LMBR1: variants seen among roughly 807,000 people sequenced by gnomAD.
LMBR1 encodes the protein limb region 1 protein homolog.
In LMBR1, 52 loss-of-function variants were observed where a neutral mutation model predicts 73.9. The ratio of observed to expected loss-of-function variants is 0.70; its 90% CI spans 0.56 to 0.89. LMBR1 has a LOEUF of 0.89. LMBR1 is among the 40% of genes least tolerant of loss of function. The probability of loss-of-function intolerance (pLI) is 0.00; values close to 1 mark genes in which losing one functional copy is unlikely to be tolerated. For synonymous variants in LMBR1, 215 were observed against 209.4 expected, an observed-to-expected ratio of 1.03 and a Z score of -0.23; for missense variants, 539 against 579.8, an observed-to-expected ratio of 0.93 and a Z score of 0.72.
intron 4 of LMBR1, among the ~76,000 whole-genome samples, chr7:156,815,945 A>G (rs941492845): frequency 1.3e-5 from 2 of 151,658 alleles, no homozygotes; most frequent in African/African-American, 4.8e-5. Context: ...AGCATAAAAG[A>G]AGGCTCTTTC....
intron 1 of LMBR1, among the ~76,000 whole-genome samples, chr7:156,862,826 C>G (rs1440067725): frequency 6.6e-6 from 1 of 152,200 alleles, no homozygotes; most frequent in African/African-American, 2.4e-5. Context: ...AGCCTTCAAG[C>G]TGATACATCA....
rs1805246616 is a variant in LMBR1, at chr7:156,682,592, C to T, written c.*1486G>A. Reference sequence around the variant, plus strand: ...CTGCATTTTAGAAAGATGTGAAGCTCGGAAGGAAATGCAGACGTATAAATA... The same window carrying T: ...CTGCATTTTAGAAAGATGTGAAGCTTGGAAGGAAATGCAGACGTATAAATA... On this transcript the variant is annotated 3_prime_UTR_variant, in exon 17 of 17. Transcript: ENST00000353442. 6.6e-6 allele frequency: 1 copy of T among 152,014 alleles called. No homozygotes were observed. Among genetic ancestry groups the T allele is most frequent in the Non-Finnish European group, 1.5e-5 (1 of 68,010 alleles). The allele number at this position is 152,014 out of a possible 1,614,324, so 9.4% of individuals were successfully genotyped here.
At chr7:156,726,505 G>GA (rs1441363514) in intron 12 of LMBR1, among the ~76,000 whole-genome samples, 2 of 151,056 alleles carry the variant, frequency 1.3e-5, no homozygotes, top group East Asian at 1.9e-4. Flanking sequence ...AATTAGATCT[G>GA]AAAAAATCAT....
At chr7:156,671,488 A>G (rs527359738) in intron 4 of LMBR1, among the ~76,000 whole-genome samples, 1 of 152,378 alleles carries the variant, frequency 6.6e-6, no homozygotes, top group East Asian at 1.9e-4. Context: ...ACGGCAGCAC[A>G]TATTTTCTTT....
chr7:156,804,199 T>C (rs568337447), intron 4 of LMBR1, among the ~76,000 whole-genome samples: 1 of 152,130 alleles, frequency 6.6e-6, no homozygotes, highest in Non-Finnish European at 1.5e-5. Flanking sequence ...TACAAATGGA[T>C]TGTGTGATAT....
chr7:156,853,815 C>T (rs189008384), intron 1 of LMBR1, among the ~76,000 whole-genome samples: 401 of 152,094 alleles, frequency 2.6e-3, no homozygotes, highest in African/African-American at 9.1e-3. Context: ...GCCACCACAC[C>T]CGGCTAATTT....
intron 1 of LMBR1, among the ~76,000 whole-genome samples, chr7:156,887,467 A>G (rs1802115634): frequency 6.6e-6 from 1 of 150,820 alleles, no homozygotes; most frequent in South Asian, 2.1e-4. Context: ...CCATCTCAAA[A>G]AAAAAAAAAA....
intron 15 of LMBR1, among the ~76,000 whole-genome samples, chr7:156,723,593 A>G (rs1454908156): frequency 1.3e-5 from 2 of 152,152 alleles, no homozygotes; most frequent in African/African-American, 4.8e-5. Context: ...AACTGAAACA[A>G]TAAGAAAATG....
chr7:156,814,932 A>AGATTACCT (rs201262103), intron 4 of LMBR1, among the ~76,000 whole-genome samples: 4,834 of 152,222 alleles, frequency 0.032, 123 homozygotes, highest in South Asian at 0.085. Flanking sequence ...CAAGGCAGGC[A>AGATTACCT]GATTACCTGA....
chr7:156,828,523 A>C (rs1836092025), intron 3 of LMBR1, among the ~76,000 whole-genome samples: 1 of 152,224 alleles, frequency 6.6e-6, no homozygotes, highest in Non-Finnish European at 1.5e-5. Flanking sequence ...AGGAAGACAG[A>C]ACCTTTGTCT....
At chr7:156,714,029 T>C (rs936379649) in intron 15 of LMBR1, among the ~76,000 whole-genome samples, 1 of 152,176 alleles carries the variant, frequency 6.6e-6, no homozygotes, top group Non-Finnish European at 1.5e-5. Flanking sequence ...ACGGTATTGA[T>C]AGCCTTCCTA....
chr7:156,742,984 A>C (rs146150999), intron 9 of LMBR1, among the ~76,000 whole-genome samples: 97 of 152,334 alleles, frequency 6.4e-4, no homozygotes, highest in African/African-American at 2.2e-3. Flanking sequence ...CAATGGAATG[A>C]AGGACAAAAA....
intron 10 of LMBR1, among the ~76,000 whole-genome samples, chr7:156,730,461 G>A (rs1585421324): frequency 1.3e-5 from 2 of 152,200 alleles, no homozygotes; most frequent in Admixed American, 6.5e-5. Context: ...AAATGGACCG[G>A]TCGTCATAAA....
At chr7:156,848,741 G>A (rs1434854302) in intron 1 of LMBR1, among the ~76,000 whole-genome samples, 1 of 152,018 alleles carries the variant, frequency 6.6e-6, no homozygotes, top group African/African-American at 2.4e-5. Context: ...AGAACAACCT[G>A]GGATCATGGT....
chr7:156,813,702 G>C (rs988101385), intron 4 of LMBR1, among the ~76,000 whole-genome samples: 2 of 151,850 alleles, frequency 1.3e-5, no homozygotes, highest in Admixed American at 6.6e-5. Flanking sequence ...TATGTTCTTT[G>C]ATACACTCAG....
At chr7:156,709,394 A>C (rs1014397115) in intron 15 of LMBR1, among the ~76,000 whole-genome samples, 1 of 152,222 alleles carries the variant, frequency 6.6e-6, no homozygotes, top group African/African-American at 2.4e-5. Context: ...TGGCATAACC[A>C]GCATTTGAGA....
chr7:156,719,337 T>A (rs1813987425), intron 15 of LMBR1, among the ~76,000 whole-genome samples: 1 of 152,280 alleles, frequency 6.6e-6, no homozygotes, highest in South Asian at 2.1e-4. Flanking sequence ...CTGCATAGTA[T>A]TCCATGGTGT....
At chr7:156,822,362 C>T (rs1834926311) in intron 4 of LMBR1, 1 of 152,190 alleles carries the variant, frequency 6.6e-6, no homozygotes, top group South Asian at 2.1e-4. Flanking sequence ...AAGACTGAGA[C>T]TCTGAAAGCG....
At chr7:156,873,115 G>A (rs375743224) in intron 1 of LMBR1, among the ~76,000 whole-genome samples, 88 of 152,274 alleles carry the variant, frequency 5.8e-4, no homozygotes, top group African/African-American at 1.8e-3. Context: ...ATGAAGCCGC[G>A]GACTCTTGCG....
Sources: gnomAD v4.1 joint callset for allele counts (sites outside exome capture counted in the v4.1 genomes callset) on GRCh38, gnomAD v4.1.1 for gene constraint, MANE v1.5 for transcripts, NCBI Gene and HGNC (gene_info 2026-07-23, HGNC 2026-07-21) for gene names.